RAMP1: variants seen among roughly 807,000 people sequenced by gnomAD.
RAMP1 encodes receptor activity-modifying protein 1.
In RAMP1, 7 loss-of-function variants were observed where a neutral mutation model predicts 8.2. The observed-to-expected ratio is 0.85, with a 90% CI of 0.49 to 1.60. The LOEUF is 1.60. Among genes scored for constraint, RAMP1 ranks in the 40% most tolerant of loss-of-function variants. The probability of loss-of-function intolerance (pLI) is 0.00; values close to 1 mark genes in which losing one functional copy is unlikely to be tolerated. For missense variants in RAMP1, 192 were observed against 202.4 expected (o/e 0.95, Z 0.31); for synonymous variants, 92 against 84.7 (o/e 1.09, Z -0.47).
intron 2 of RAMP1, among the ~76,000 whole-genome samples, chr2:237,894,857 G>A (rs1329547468): frequency 6.6e-6 from 1 of 152,190 alleles, no homozygotes; most frequent in Non-Finnish European, 1.5e-5. Context: ...GTTCATAGGA[G>A]GTGAGACAAA....
intron 2 of RAMP1, among the ~76,000 whole-genome samples, chr2:237,906,130 G>A (rs956095039): frequency 4.0e-5 from 6 of 151,692 alleles, no homozygotes; most frequent in South Asian, 2.1e-4. Context: ...GCCACATAAC[G>A]TGCACTCATT....
chr2:237,876,889 G>A (rs372179399), intron 1 of RAMP1, among the ~76,000 whole-genome samples: 2 of 151,916 alleles, frequency 1.3e-5, no homozygotes, highest in Admixed American at 6.6e-5. Context: ...CCAGGTACCC[G>A]TGGAACAGGG....
chr2:237,911,555 C>G lies in RAMP1; in HGVS notation c.219C>G (p.Thr73=). Residue 73 remains threonine, a synonymous_variant, in exon 3 of 3, where the codon ACC becomes ACG. Coordinates refer to ENST00000254661, the MANE Select transcript of RAMP1 (RefSeq NM_005855.4). ...GCTACAGGGAGCTGGCCGACTGCAC[C>G]TGGCACATGGCGGAGAAGCTGGGCT... is the stretch of plus-strand genomic sequence containing the variant. ...IRSYRELADC[T]WHMAEKLGCF... The G allele has an allele frequency of 6.2e-7, 1 of 1,614,158 alleles. No individual in the cohort carries two copies. Among genetic ancestry groups the G allele is most frequent in the Non-Finnish European group, 8.5e-7 (1 of 1,180,000 alleles).
At chr2:237,898,134 C>T (rs2062561538) in intron 2 of RAMP1, among the ~76,000 whole-genome samples, 1 of 152,174 alleles carries the variant, frequency 6.6e-6, no homozygotes, top group Admixed American at 6.5e-5. Flanking sequence ...ATGGAGTTGG[C>T]ATTTCCCCTT....
chr2:237,872,055 A>G (rs557439403), intron 1 of RAMP1, among the ~76,000 whole-genome samples: 1 of 152,352 alleles, frequency 6.6e-6, no homozygotes, highest in South Asian at 2.1e-4. Context: ...AGTTTACTAC[A>G]GTCACGACCA....
At chr2:237,908,096 G>T (rs914420331) in intron 2 of RAMP1, among the ~76,000 whole-genome samples, 8 of 152,362 alleles carry the variant, frequency 5.3e-5, no homozygotes, top group Non-Finnish European at 1.2e-4. Context: ...TGTGCCCAGG[G>T]TTGGGACTAG....
chr2:237,874,677 C>T (rs78866655), intron 1 of RAMP1: 15,791 of 985,246 alleles, frequency 0.016, 139 homozygotes, highest in Admixed American at 0.02. Context: ...TGCTTCACTC[C>T]CAGGCAGAAT....
intron 2 of RAMP1, among the ~76,000 whole-genome samples, chr2:237,895,060 A>T (rs1459942299): frequency 6.6e-6 from 1 of 152,182 alleles, no homozygotes; most frequent in African/African-American, 2.4e-5. Context: ...CCAAGGGCCC[A>T]GCAGGGCAGG....
chr2:237,867,126 T>C (rs1252963849), intron 1 of RAMP1, among the ~76,000 whole-genome samples: 2 of 152,154 alleles, frequency 1.3e-5, no homozygotes, highest in Non-Finnish European at 2.9e-5. Flanking sequence ...TCCTTGCATT[T>C]TGGGAGGCCA....
chr2:237,868,046 CTT>C (rs796880429), intron 1 of RAMP1, among the ~76,000 whole-genome samples: 50 of 136,974 alleles, frequency 3.7e-4, no homozygotes, highest in Admixed American at 5.8e-4. Context: ...GGTTTTCTGT[CTT>C]TTTTTTTTTT....
At chr2:237,908,258 G>C (rs962703926) in intron 2 of RAMP1, among the ~76,000 whole-genome samples, 1 of 152,150 alleles carries the variant, frequency 6.6e-6, no homozygotes, top group African/African-American at 2.4e-5. Context: ...TCAAGGCTTG[G>C]GGTGGGTTCT....
chr2:237,864,637 A>G (rs1330464492), intron 1 of RAMP1, among the ~76,000 whole-genome samples: 3 of 152,200 alleles, frequency 2.0e-5, no homozygotes, highest in Non-Finnish European at 4.4e-5. Flanking sequence ...GGGGCAAAGG[A>G]CAGGGGTGCA....
At chr2:237,861,037 A>G (rs3769050) in intron 1 of RAMP1, among the ~76,000 whole-genome samples, 69,063 of 152,086 alleles carry the variant, frequency 0.45, 19,337 homozygotes, top group African/African-American at 0.8. Context: ...CACTGTTTTC[A>G]TTTACTAAGA....
intron 2 of RAMP1, among the ~76,000 whole-genome samples, chr2:237,890,872 G>A (rs12470161): frequency 0.39 from 59,640 of 151,952 alleles, 13,052 homozygotes; most frequent in Non-Finnish European, 0.5. Flanking sequence ...TTAATGAACC[G>A]CACATGCCCA....
intron 1 of RAMP1, among the ~76,000 whole-genome samples, chr2:237,871,439 C>A (rs2062244155): frequency 6.6e-6 from 1 of 152,306 alleles, no homozygotes; most frequent in Middle Eastern, 3.4e-3. Context: ...ACGGACCAGG[C>A]CATGCAGGGA....
chr2:237,859,821 A>C, intron 1 of RAMP1, 94 bp downstream of exon 1: 1 of 950,422 alleles, frequency 1.1e-6, no homozygotes. Context: ...AGCGGGTGGG[A>C]GCGGGTGGGG....
At chr2:237,882,352 C>T (rs1158085478) in intron 2 of RAMP1, among the ~76,000 whole-genome samples, 1 of 152,208 alleles carries the variant, frequency 6.6e-6, no homozygotes, top group African/African-American at 2.4e-5. Flanking sequence ...CCAAGAAACG[C>T]GTTTACTGTA....
At chr2:237,892,276 CT>C (rs201847138) in intron 2 of RAMP1, among the ~76,000 whole-genome samples, 10,167 of 134,270 alleles carry the variant, frequency 0.076, 622 homozygotes, top group African/African-American at 0.19. Flanking sequence ...TTCTTTCTTT[CT>C]TTTTTTTTTT....
At chr2:237,871,670 C>A (rs1260551925) in intron 1 of RAMP1, among the ~76,000 whole-genome samples, 2 of 152,190 alleles carry the variant, frequency 1.3e-5, no homozygotes, top group Non-Finnish European at 2.9e-5. Flanking sequence ...CTTGGTCCTG[C>A]CCCCGCCAGT....
Sources: gnomAD v4.1 joint callset for allele counts (sites outside exome capture counted in the v4.1 genomes callset) on GRCh38, gnomAD v4.1.1 for gene constraint, MANE v1.5 for transcripts, NCBI Gene and HGNC (gene_info 2026-07-23, HGNC 2026-07-21) for gene names.